Variants in SPATC1 observed in about 807,000 individuals in gnomAD.
The protein encoded by SPATC1 is speriolin.
SPATC1 carries 35 observed loss-of-function variants against 36.5 expected under a neutral mutation model. The observed-to-expected ratio is 0.96, with a 90% CI of 0.73 to 1.27. The LOEUF (loss-of-function observed/expected upper bound fraction) is 1.27. Ranked by LOEUF, SPATC1 falls within the 50% of genes most tolerant of loss-of-function variation. The pLI is 0.00. For synonymous variants in SPATC1, 361 were observed against 353.6 expected (o/e 1.02, Z -0.24); for missense variants, 779 against 796.0 (o/e 0.98, Z 0.26).
chr8:144,039,780 AC>A (rs1430423900), intron 1 of SPATC1, 128 bp from the exon 2 acceptor site: 1 of 987,356 alleles, frequency 1.0e-6, no homozygotes, highest in Non-Finnish European at 1.5e-6. Flanking sequence ...ACCAGGTCGG[AC>A]CAGTCAGCTC....
chr8:144,041,860 G>A, intron 4 of SPATC1: 10 of 705,380 alleles, frequency 1.4e-5, no homozygotes, highest in Non-Finnish European at 1.7e-5. Context: ...GTGGATTGCA[G>A]GCCTGTGTGT....
intron 4 of SPATC1, among the ~76,000 whole-genome samples, chr8:144,042,612 G>A (rs1302708451): frequency 4.0e-5 from 6 of 151,872 alleles, no homozygotes; most frequent in South Asian, 2.1e-4. Flanking sequence ...GTGAGCCACC[G>A]CGCCCGGCCC....
At position 144,041,251 on chromosome 8, in the gene SPATC1, G is replaced by T; in HGVS notation, c.1326G>T (p.Trp442Cys). ...CCCCAGAGTCGAAGCAGCTGGCCTG[G>T]GAGAGGCTGGTGGGTGAGATTGCCT... ...ENPRESKQLAWERLVGEIAFQ... is the reference protein window; with the variant it reads ...ENPRESKQLACERLVGEIAFQ... The change falls in exon 4 of 5, where the codon TGG (tryptophan) becomes TGT (cysteine). Residue 442 changes from tryptophan to cysteine, a missense_variant. Transcript: ENST00000377470. 6.2e-7 allele frequency: 1 copy of T among 1,613,336 alleles called. No individual in the cohort carries two copies. The highest frequency in any genetic ancestry group is 8.5e-7 in the Non-Finnish European group (1 of 1,179,978).
rs149353777 is a variant in SPATC1, at chr8:144,017,034, T to C, written c.211+4308T>C. 4.7e-3 allele frequency among the ~76,000 whole-genome samples: 712 copies of C among 152,320 alleles called. 7 individuals are homozygous for C. Among genetic ancestry groups the C allele is most frequent in the African/African-American group, 0.017 (689 of 41,564 alleles). ...GAAATGGATTGGAGGGAGAGTAGAC[T>C]GAGACAGGGAGATGGATTAGACTGA... On this transcript the variant is annotated intron_variant, in intron 1 of 4. Transcript: ENST00000377470.
At chr8:144,030,146 CT>C (rs1184716286) in intron 1 of SPATC1, among the ~76,000 whole-genome samples, 1 of 152,158 alleles carries the variant, frequency 6.6e-6, no homozygotes, top group Non-Finnish European at 1.5e-5. Flanking sequence ...CATGGAATAT[CT>C]TTTTTTACCC....
At position 144,047,030 on chromosome 8, in the gene SPATC1, C is replaced by T; in HGVS notation, c.*74C>T. The T allele has an allele frequency of 1.3e-6, 2 of 1,504,908 alleles. No homozygotes were observed. Among genetic ancestry groups the T allele is most frequent in the Non-Finnish European group, 1.8e-6 (2 of 1,123,760 alleles). 93.2% of individuals were successfully genotyped at this position (1,504,908 alleles called of 1,614,324 possible). Reference sequence around the variant, plus strand: ...CGGCCATTAAAGCTTCCCACAGACACTGGTCGCTGGGCCTGTGCCAGCGCT... The same window carrying T: ...CGGCCATTAAAGCTTCCCACAGACATTGGTCGCTGGGCCTGTGCCAGCGCT... On this transcript the variant is annotated 3_prime_UTR_variant, in exon 5 of 5. Coordinates refer to ENST00000377470, the MANE Select transcript of SPATC1 (RefSeq NM_198572.3). The surrounding 1 kb of genome is among the most constrained non-coding windows in gnomAD (Gnocchi z 4.1).
intron 1 of SPATC1, among the ~76,000 whole-genome samples, chr8:144,028,950 A>G (rs1834738406): frequency 6.6e-6 from 1 of 152,140 alleles, no homozygotes; most frequent in African/African-American, 2.4e-5. Context: ...CTAACCCAGG[A>G]ACAGGAAAGC....
In SPATC1 at chr8:144,041,288, C is replaced by T. The variant is rs781800698; in HGVS notation, c.1363C>T (p.Arg455Cys). ...LVGEIAFQLDRRILSSIFPER... is the reference protein window; with the variant it reads ...LVGEIAFQLDCRILSSIFPER... The stretch of plus-strand genomic sequence containing the variant: ...GGGTGAGATTGCCTTCCAGCTGGAC[C>T]GCAGGATCCTGTCCAGCATCTTCCC... Residue 455 changes from arginine to cysteine, a missense_variant, in exon 4 of 5, where the codon CGC becomes TGC. Coordinates refer to ENST00000377470, the MANE Select transcript of SPATC1 (RefSeq NM_198572.3). 3.1e-6 allele frequency: 5 copies of T among 1,612,974 alleles called. No individual in the cohort carries two copies. The highest frequency in any genetic ancestry group is 2.7e-5 in the African/African-American group (2 of 74,936).
rs1554755658 is a variant in SPATC1, at chr8:144,040,448, A to G, written c.751A>G (p.Thr251Ala). Residue 251 changes from threonine (T) to alanine (A), a missense_variant, in exon 2 of 5, where the codon ACT becomes GCT. By Grantham distance (58) the Thr-to-Ala change is moderately conservative. Coordinates refer to ENST00000377470, the MANE Select transcript of SPATC1 (RefSeq NM_198572.3). ...GPQSPACVVPTATTKVPLSTE... is the reference protein window; with the variant it reads ...GPQSPACVVPAATTKVPLSTE... Reference sequence around the variant, plus strand: ...CCAGTCCCCAGCTTGCGTGGTACCCACTGCCACCACCAAAGGTAACAGGTG... The same window carrying G: ...CCAGTCCCCAGCTTGCGTGGTACCCGCTGCCACCACCAAAGGTAACAGGTG... 6.3e-7 allele frequency: 1 copy of G among 1,599,520 alleles called. No homozygotes were observed.
intron 1 of SPATC1, among the ~76,000 whole-genome samples, chr8:144,014,323 A>AAAAG (rs553985568): frequency 1.3e-5 from 2 of 151,476 alleles, no homozygotes; most frequent in South Asian, 2.1e-4. Flanking sequence ...GGGAAAGGAA[A>AAAAG]AAAGAAAGAA....
chr8:144,033,170 C>T (rs981427578), intron 1 of SPATC1, among the ~76,000 whole-genome samples: 1,767 of 151,846 alleles, frequency 0.012, 21 homozygotes, highest in Non-Finnish European at 0.018. Context: ...CCGTGGCAGG[C>T]GGATCACCTG....
At chr8:144,030,185 C>T (rs892678826) in intron 1 of SPATC1, among the ~76,000 whole-genome samples, 8 of 152,256 alleles carry the variant, frequency 5.3e-5, no homozygotes, top group Admixed American at 1.3e-4. Flanking sequence ...GTGTGTCTTT[C>T]GATCTAAAGT....
rs782765530 is a variant in SPATC1, at chr8:144,040,751, T to C, written c.950T>C (p.Val317Ala). 3.1e-6 allele frequency: 5 copies of C among 1,611,936 alleles called. No individual in the cohort carries two copies. Among genetic ancestry groups the C allele is most frequent in the African/African-American group, 2.7e-5 (2 of 74,632 alleles). ...QAQPSAAQEQ[V>A]VPASVPTSPT... ...CAGCCCAGTGCCGCCCAGGAACAAGTGGTCCCTGCATCTGTCCCCACCTCC... is the reference window on the plus strand; with the variant it reads ...CAGCCCAGTGCCGCCCAGGAACAAGCGGTCCCTGCATCTGTCCCCACCTCC... The change falls in exon 3 of 5, where the codon GTG becomes GCG. Residue 317 changes from valine to alanine, a missense_variant. Physicochemically the swap from Val to Ala is moderately conservative, Grantham distance 64. Coordinates refer to ENST00000377470, the MANE Select transcript of SPATC1 (RefSeq NM_198572.3).
At chr8:144,028,487 T>C (rs1834729035) in intron 1 of SPATC1, among the ~76,000 whole-genome samples, 1 of 151,906 alleles carries the variant, frequency 6.6e-6, no homozygotes, top group African/African-American at 2.4e-5. Flanking sequence ...GAAATGCAAA[T>C]CAAAACCACA....
chr8:144,029,202 T>TGAAAAAAAAAAAAA (rs1834745985), intron 1 of SPATC1, among the ~76,000 whole-genome samples: 1 of 28,154 alleles, frequency 3.6e-5, no homozygotes, highest in Admixed American at 5.1e-4. Flanking sequence ...ACCCCAGAAC[T>TGAAAAAAAAAAAAA]AAAAAAAAAA....
Position 144,012,511 on chromosome 8 carries a change from AGGGCATGTCT to A in SPATC1, c.-4_6del. ...TGGGCCGCACCCTTGCCACTGCCCC[AGGGCATGTCT>A]CTACTCACCAATTATGAAGGGCTTC... On this transcript the variant is annotated start_lost and 5_prime_UTR_variant, in exon 1 of 5. Coordinates refer to ENST00000377470, the MANE Select transcript of SPATC1 (RefSeq NM_198572.3). 4 of 1,551,642 alleles carry A rather than the reference AGGGCATGTCT, an allele frequency of 2.6e-6. No homozygotes were observed. The highest frequency in any genetic ancestry group is 3.5e-6 in the Non-Finnish European group (4 of 1,146,906).
rs782622347 is a variant in SPATC1, at chr8:144,040,596, G to C, written c.795G>C (p.Ser265=). ...CACTCTCCACTGAGCCCCCCCAGTC[G>C]ACCCAGGACCCAGAGCCTCTCAGCA... ...KVPLSTEPPQ[S]TQDPEPLSMA... The change falls in exon 3 of 5, where the codon TCG becomes TCC. Residue 265 remains serine (S), a synonymous_variant. Transcript: ENST00000377470. The C allele has an allele frequency of 6.3e-7, 1 of 1,594,476 alleles. No homozygotes were observed. The highest frequency in any genetic ancestry group is 1.1e-5 in the South Asian group (1 of 89,066).
rs201199683 is a variant in SPATC1 at position 144,046,770 on chromosome 8, C to G, written c.1590C>G (p.Asn530Lys). The change falls in exon 5 of 5, where the codon AAC (asparagine) becomes AAG (lysine). Residue 530 changes from asparagine to lysine, a missense_variant. Physicochemically the swap from Asn to Lys is moderately conservative, Grantham distance 94. Coordinates refer to ENST00000377470, the MANE Select transcript of SPATC1 (RefSeq NM_198572.3). The surrounding 1 kb of genome is among the most constrained non-coding windows in gnomAD (Gnocchi z 6.6). Reference protein sequence around the residue: ...VHPALTEQLVNAYGILRERPE... With the variant: ...VHPALTEQLVKAYGILRERPE... The stretch of plus-strand genomic sequence containing the variant: ...CTGCGCTGACCGAGCAGCTGGTGAA[C>G]GCTTATGGCATCCTGCGAGAGCGCC... 1 of 1,611,104 alleles carries G rather than the reference C, an allele frequency of 6.2e-7. No homozygotes were observed. Among genetic ancestry groups the G allele is most frequent in the Non-Finnish European group, 8.5e-7 (1 of 1,180,000 alleles).
chr8:144,016,749 C>T lies in SPATC1; in HGVS notation c.211+4023C>T, dbSNP rs1834402817. 6.6e-6 allele frequency among the ~76,000 whole-genome samples: 1 copy of T among 152,196 alleles called. No homozygotes were observed. Among genetic ancestry groups the T allele is most frequent in the South Asian group, 2.1e-4 (1 of 4,832 alleles). ...CTCCCGAGTTCAAGTGATTCTCCTG[C>T]CTGAGCCTCCCGAGTAGCTGGGACT... On this transcript the variant is annotated intron_variant, in intron 1 of 4. Coordinates refer to ENST00000377470, the MANE Select transcript of SPATC1 (RefSeq NM_198572.3). This position sits in a 1 kb window ranked among gnomAD's most constrained non-coding sequence, Gnocchi z 4.5.
Sources: allele counts gnomAD v4.1 joint callset (sites outside exome capture counted in the v4.1 genomes callset), GRCh38; gene constraint gnomAD v4.1.1; non-coding constraint Gnocchi (gnomAD v3.1); transcripts MANE v1.5; gene names NCBI Gene and HGNC (gene_info 2026-07-23, HGNC 2026-07-21).